The following SPATA17 variants were observed in gnomAD, a reference collection of about 807,000 sequenced individuals.
SPATA17 encodes spermatogenesis-associated protein 17.
In SPATA17, 53 loss-of-function variants were observed where a neutral mutation model predicts 62.2. That is an observed-to-expected ratio of 0.85 (90% CI 0.68 to 1.07). The LOEUF is 1.07. SPATA17 is among the 50% of genes least tolerant of loss of function. The probability of loss-of-function intolerance (pLI) is 0.00; values close to 1 mark genes in which losing one functional copy is unlikely to be tolerated. For synonymous variants in SPATA17, 146 were observed against 146.8 expected (o/e 0.99, Z 0.04); for missense variants, 466 against 425.5 (o/e 1.10, Z -0.84).
intron 3 of SPATA17, among the ~76,000 whole-genome samples, chr1:217,658,327 C>T (rs1288626045): frequency 1.3e-5 from 2 of 152,132 alleles, no homozygotes; most frequent in East Asian, 1.9e-4. Context: ...TTGAACGGCT[C>T]CCTCTCTTGC....
rs775052390 is a variant in SPATA17, at chr1:217,748,069, C to T, written c.519+5971C>T. Among the ~76,000 whole-genome samples, 8 of 151,794 alleles carry T rather than the reference C, an allele frequency of 5.3e-5. No homozygotes were observed. The East Asian group carries it at 1.2e-3, about 22-fold the overall frequency. On this transcript the variant is annotated intron_variant, in intron 6 of 10. Transcript: ENST00000366933. ...CTGTAATTCCAGCACTTTGGGAGGC[C>T]GAGGTGGGCGGATCACGAGGTCAGG...
chr1:217,650,107 T>C (rs1670276216), intron 2 of SPATA17, among the ~76,000 whole-genome samples: 1 of 151,892 alleles, frequency 6.6e-6, no homozygotes, highest in South Asian at 2.1e-4. Flanking sequence ...GCCTGGATAA[T>C]TTTGTATATT....
At chr1:217,695,951 T>A (rs1571737316) in intron 5 of SPATA17, among the ~76,000 whole-genome samples, 1 of 147,010 alleles carries the variant, frequency 6.8e-6, no homozygotes, top group Admixed American at 6.9e-5. Context: ...TTTTTGTTTG[T>A]CTGTGCCCTG....
intron 6 of SPATA17, among the ~76,000 whole-genome samples, chr1:217,756,584 A>G (rs998073504): frequency 1.3e-5 from 2 of 152,164 alleles, no homozygotes; most frequent in African/African-American, 4.8e-5. Flanking sequence ...TGTTCACTTG[A>G]AAGCAACTTC....
chr1:217,652,846 A>G (rs951707641), intron 3 of SPATA17, among the ~76,000 whole-genome samples: 1 of 152,144 alleles, frequency 6.6e-6, no homozygotes, highest in African/African-American at 2.4e-5. Flanking sequence ...AAGTTATTTA[A>G]CCTGTGTGGA....
chr1:217,712,391 G>T lies in SPATA17; in HGVS notation c.395+29030G>T, dbSNP rs113624649. 8.2e-3 allele frequency among the ~76,000 whole-genome samples: 1,254 copies of T among 152,148 alleles called. 16 individuals carry two copies. The highest frequency in any genetic ancestry group is 0.028 in the African/African-American group (1,165 of 41,504). On this transcript the variant is annotated intron_variant, in intron 5 of 10. Transcript: ENST00000366933. The stretch of plus-strand genomic sequence containing the variant: ...TCCACCCACCTTGGCCTCCCAAAGC[G>T]CTGGGATTACAGGCGTGAGCCACCG...
Position 217,656,958 on chromosome 1 carries a change from T to C in SPATA17, c.240+5780T>C, listed in dbSNP as rs530082057. On this transcript the variant is annotated intron_variant, in intron 3 of 10. Transcript: ENST00000366933. ...GTAGGCAATTCAATCTCAGCCCTTATTGGGGATTTTTCTCCTTTACACGGA... is the reference window on the plus strand; with the variant it reads ...GTAGGCAATTCAATCTCAGCCCTTACTGGGGATTTTTCTCCTTTACACGGA... Among the ~76,000 whole-genome samples the C allele has an allele frequency of 4.8e-4, 73 of 152,280 alleles. No individual in the cohort carries two copies. The South Asian group carries it at 8.7e-3, about 18-fold the overall frequency.
intron 9 of SPATA17, among the ~76,000 whole-genome samples, chr1:217,837,004 G>C (rs1675275375): frequency 1.3e-5 from 2 of 152,108 alleles, no homozygotes; most frequent in Admixed American, 1.3e-4. Flanking sequence ...TTAAAAAGTA[G>C]AGATGTAGAA....
At chr1:217,685,868 GAGAA>G (rs1202175971) in intron 5 of SPATA17, among the ~76,000 whole-genome samples, 2 of 152,130 alleles carry the variant, frequency 1.3e-5, no homozygotes, top group South Asian at 2.1e-4. Context: ...GAGAGAACAA[GAGAA>G]AGAGTGAGCG....
chr1:217,783,825 C>G (rs1179044353), intron 8 of SPATA17, among the ~76,000 whole-genome samples: 1 of 151,836 alleles, frequency 6.6e-6, no homozygotes, highest in African/African-American at 2.4e-5. Context: ...AATGTTATCC[C>G]CAAAGAAAGT....
intron 1 of SPATA17, among the ~76,000 whole-genome samples, chr1:217,646,679 G>T (rs538310530): frequency 9.9e-5 from 15 of 151,988 alleles, no homozygotes; most frequent in African/African-American, 3.6e-4. Context: ...GGTGGATCAC[G>T]AGATCAGGAG....
chr1:217,861,332 T>G (rs2103016262), intron 9 of SPATA17, among the ~76,000 whole-genome samples: 1 of 150,972 alleles, frequency 6.6e-6, no homozygotes, highest in South Asian at 2.1e-4. Flanking sequence ...CACTGAAAAC[T>G]TCTTTTAACA....
At chr1:217,743,002 G>A (rs1672658676) in intron 6 of SPATA17, among the ~76,000 whole-genome samples, 1 of 151,338 alleles carries the variant, frequency 6.6e-6, no homozygotes, top group African/African-American at 2.4e-5. Context: ...CATTTGGAGT[G>A]TAGATCTCCC....
intron 3 of SPATA17, among the ~76,000 whole-genome samples, chr1:217,667,048 C>CTTTTTT (rs1191694917): frequency 5.2e-5 from 6 of 115,522 alleles, no homozygotes; most frequent in East Asian, 2.4e-4. Flanking sequence ...TTTTTTTTTT[C>CTTTTTT]TTTTTTTTTT....
intron 1 of SPATA17, among the ~76,000 whole-genome samples, chr1:217,642,150 C>G (rs1670080192): frequency 6.6e-6 from 1 of 152,092 alleles, no homozygotes; most frequent in South Asian, 2.1e-4. Context: ...TTTGACTTGT[C>G]CCATGACTGA....
chr1:217,712,731 C>T (rs1418194255), intron 5 of SPATA17, among the ~76,000 whole-genome samples: 2 of 152,058 alleles, frequency 1.3e-5, no homozygotes, highest in Admixed American at 1.3e-4. Context: ...TCATATTTCT[C>T]TAAAAATACT....
intron 1 of SPATA17, among the ~76,000 whole-genome samples, chr1:217,634,662 G>A (rs977600505): frequency 1.3e-5 from 2 of 152,174 alleles, no homozygotes; most frequent in African/African-American, 4.8e-5. Flanking sequence ...TTCCAACAAA[G>A]GCAGTCTAGT....
intron 3 of SPATA17, among the ~76,000 whole-genome samples, chr1:217,658,435 G>A (rs1670488335): frequency 6.6e-6 from 1 of 152,142 alleles, no homozygotes; most frequent in South Asian, 2.1e-4. Context: ...ACATACAGAT[G>A]AGCCAAATTG....
chr1:217,643,187 C>T, intron 1 of SPATA17, among the ~76,000 whole-genome samples: 1 of 151,644 alleles, frequency 6.6e-6, no homozygotes, highest in Admixed American at 6.6e-5. Flanking sequence ...TTTCTCTTAC[C>T]TTTTCTGACA....
Sources: allele counts gnomAD v4.1 joint callset (sites outside exome capture counted in the v4.1 genomes callset), GRCh38; gene constraint gnomAD v4.1.1; transcripts MANE v1.5; gene names NCBI Gene and HGNC (gene_info 2026-07-23, HGNC 2026-07-21).